The following NCOR2 variants were observed in gnomAD, a reference collection of about 807,000 sequenced individuals.
NCOR2 encodes the protein nuclear receptor corepressor 2.
In NCOR2, 81 loss-of-function variants were observed where a neutral mutation model predicts 262.9. That is an observed-to-expected ratio of 0.31 (90% CI 0.26 to 0.37). The LOEUF is 0.37. NCOR2 is among the 10% of genes least tolerant of loss of function. The probability of loss-of-function intolerance (pLI) is 1.00; values close to 1 mark genes in which losing one functional copy is unlikely to be tolerated. For missense variants in NCOR2, 3,385 were observed against 3,621.4 expected, an observed-to-expected ratio of 0.93 and a Z score of 1.68; for synonymous variants, 1,659 against 1,559.3, an observed-to-expected ratio of 1.06 and a Z score of -1.51.
chr12:124,384,558 C>T (rs2040653527), intron 17 of NCOR2, among the ~76,000 whole-genome samples: 1 of 152,184 alleles, frequency 6.6e-6, no homozygotes, highest in Non-Finnish European at 1.5e-5. Flanking sequence ...CGCGCGCACA[C>T]ATGACTCACT....
At chr12:124,446,407 G>A (rs1294149314) in intron 7 of NCOR2, among the ~76,000 whole-genome samples, 1 of 152,162 alleles carries the variant, frequency 6.6e-6, no homozygotes, top group Non-Finnish European at 1.5e-5. Flanking sequence ...TATCCCAACA[G>A]ATAATAAAAC....
At chr12:124,355,245 G>C (rs1385827654) in intron 24 of NCOR2, 187 bp downstream of exon 26, 24 of 687,268 alleles carry the variant, frequency 3.5e-5, no homozygotes, top group Non-Finnish European at 5.8e-5. Flanking sequence ...GCAATACAGA[G>C]TGACCCCCCA....
At chr12:124,516,112 A>C (rs772200735) in intron 1 of NCOR2, among the ~76,000 whole-genome samples, 1 of 152,224 alleles carries the variant, frequency 6.6e-6, no homozygotes, top group Admixed American at 6.5e-5. Flanking sequence ...GCCCCATGAC[A>C]ATGAGACAGC....
In NCOR2 at chr12:124,425,963, G is replaced by A. The variant is rs144766194; in HGVS notation, c.1328+659C>T. ...GACACAGGCACAGTGATGGGATCAC[G>A]AACCCACTCAGCCAGCAGCTATTGT... is the stretch of plus-strand genomic sequence containing the variant. On this transcript the variant is annotated intron_variant, in intron 11 of 46. Coordinates refer to ENST00000405201, the Ensembl canonical transcript of NCOR2. Among the ~76,000 whole-genome samples the A allele has an allele frequency of 2.1e-4, 32 of 152,236 alleles. 1 individual carries two copies. In the East Asian group the frequency reaches 3.9e-3, roughly 18 times the overall value.
At chr12:124,387,265 C>G (rs2040881772) in intron 16 of NCOR2, among the ~76,000 whole-genome samples, 1 of 141,682 alleles carries the variant, frequency 7.1e-6, no homozygotes, top group Non-Finnish European at 1.5e-5. Context: ...TGCTGGCTGC[C>G]TGCCTGCTAC....
chr12:124,525,181 C>T (rs1182824236), intron 1 of NCOR2, among the ~76,000 whole-genome samples: 1 of 152,178 alleles, frequency 6.6e-6, no homozygotes, highest in African/African-American at 2.4e-5. Flanking sequence ...AACTGAGGCA[C>T]AGAACCCCAA....
At chr12:124,374,605 T>G (rs1304993492) in intron 18 of NCOR2, 142 bp from the exon 21 acceptor site, 1 of 801,208 alleles carries the variant, frequency 1.2e-6, no homozygotes, top group African/African-American at 1.7e-5. Context: ...CTGCCCCGAC[T>G]GCCCTTCTCC....
chr12:124,371,335 C>T (rs112965534), intron 20 of NCOR2, among the ~76,000 whole-genome samples: 1 of 152,060 alleles, frequency 6.6e-6, no homozygotes, highest in Admixed American at 6.6e-5. Context: ...AGAACTGTGT[C>T]CCCCCAGAGA....
chr12:124,554,909 G>A (rs2051835144), intron 1 of NCOR2, among the ~76,000 whole-genome samples: 1 of 152,270 alleles, frequency 6.6e-6, no homozygotes, highest in Non-Finnish European at 1.5e-5. Flanking sequence ...ACCCGGAGGG[G>A]AATGGGTTGG....
intron 6 of NCOR2, among the ~76,000 whole-genome samples, chr12:124,451,833 A>G (rs117868195): frequency 0.023 from 3,447 of 151,956 alleles, 61 homozygotes; most frequent in Non-Finnish European, 0.035. Flanking sequence ...AGAGTGGGCC[A>G]CCCAGACCCC....
intron 3 of NCOR2, among the ~76,000 whole-genome samples, chr12:124,474,729 T>C (rs868165086): frequency 2.0e-4 from 31 of 152,284 alleles, no homozygotes; most frequent in African/African-American, 7.2e-4. Flanking sequence ...TTAATGGCTC[T>C]GAGCCTGGCA....
chr12:124,471,377 C>T (rs954243052), intron 4 of NCOR2, among the ~76,000 whole-genome samples: 6 of 152,276 alleles, frequency 3.9e-5, no homozygotes, highest in Non-Finnish European at 7.3e-5. Flanking sequence ...TTAGTCTAGA[C>T]GCTCCCTGGG....
At chr12:124,455,112 GAC>G (rs1195036292) in intron 6 of NCOR2, among the ~76,000 whole-genome samples, 1 of 152,218 alleles carries the variant, frequency 6.6e-6, no homozygotes, top group African/African-American at 2.4e-5. Flanking sequence ...AATCCATAGA[GAC>G]AGAAGGGTTT....
Position 124,400,416 on chromosome 12 carries a change from C to A in NCOR2, c.1813+85G>T. The A allele has an allele frequency of 1.9e-6, 3 of 1,544,932 alleles. 1 individual carries two copies. The South Asian group carries it at 3.5e-5, about 18-fold the overall frequency. ...CAACCCCTTGGCTGTTGCCAATTAA[C>A]TCAAATTGCACGAAACTTTCATATG... On this transcript the variant is annotated intron_variant, in intron 15 of 46. Transcript: ENST00000405201.
At chr12:124,374,075 T>C (rs777814170) in intron 19 of NCOR2, among the ~76,000 whole-genome samples, 2 of 152,166 alleles carry the variant, frequency 1.3e-5, no homozygotes, top group Non-Finnish European at 2.9e-5. Context: ...CGGCTCTTCT[T>C]TGAGTCTCAA....
chr12:124,509,601 C>A (rs2049274595), intron 1 of NCOR2, among the ~76,000 whole-genome samples: 1 of 152,116 alleles, frequency 6.6e-6, no homozygotes. Flanking sequence ...TAGGTGAGGA[C>A]AGGTCCAAAG....
intron 41 of NCOR2, among the ~76,000 whole-genome samples, chr12:124,333,868 G>A (rs1182721083): frequency 3.5e-5 from 5 of 143,230 alleles, no homozygotes; most frequent in African/African-American, 8.1e-5. Context: ...GTGTGTGTGC[G>A]CATGTGTGCG....
chr12:124,528,361 A>G (rs1411122716), intron 1 of NCOR2, among the ~76,000 whole-genome samples: 1 of 152,180 alleles, frequency 6.6e-6, no homozygotes, highest in Non-Finnish European at 1.5e-5. Flanking sequence ...TGCTTATTTA[A>G]TTTACAGGCC....
intron 16 of NCOR2, among the ~76,000 whole-genome samples, chr12:124,394,988 C>T (rs2041555043): frequency 6.6e-6 from 1 of 152,158 alleles, no homozygotes; most frequent in African/African-American, 2.4e-5. Flanking sequence ...CTCTGCTGCT[C>T]ATCCTCCAGG....
Sources: gnomAD v4.1 joint callset for allele counts (sites outside exome capture counted in the v4.1 genomes callset) on GRCh38, gnomAD v4.1.1 for gene constraint, MANE v1.5 for transcripts, NCBI Gene and HGNC (gene_info 2026-07-23, HGNC 2026-07-21) for gene names.